Variants in JAK2 observed in about 807,000 individuals in gnomAD.
The protein encoded by JAK2 is tyrosine-protein kinase JAK2.
In JAK2, 86 loss-of-function variants were observed where a neutral mutation model predicts 139.3. The ratio of observed to expected loss-of-function variants is 0.62; its 90% CI spans 0.52 to 0.74. The LOEUF (loss-of-function observed/expected upper bound fraction) is 0.74. Ranked by LOEUF, JAK2 falls within the 30% of genes least tolerant of loss-of-function variation. The pLI is 0.00. For synonymous variants in JAK2, 490 were observed against 437.7 expected (o/e 1.12, Z -1.49); for missense variants, 1,421 against 1,360.3 (o/e 1.04, Z -0.70).
intron 8 of JAK2, among the ~76,000 whole-genome samples, chr9:5,064,025 G>A (rs372713310): frequency 2.0e-5 from 3 of 152,018 alleles, no homozygotes; most frequent in Non-Finnish European, 4.4e-5. Flanking sequence ...GCGTCTTGGC[G>A]TGTGCCTGTA....
At position 5,069,193 on chromosome 9, in the gene JAK2, C is replaced by A; in HGVS notation, c.1498C>A (p.Pro500Thr). ...AATTTTCCAGTTTACTAAATGCTGT[C>A]CCCCAAAGCCAAAAGGTAAGATAAT... ...NIIFQFTKCC[P>T]PKPKDKSNLL... Residue 500 changes from proline to threonine, a missense_variant, in exon 11 of 25, where the codon CCC becomes ACC. Coordinates refer to ENST00000381652, the MANE Select transcript of JAK2 (RefSeq NM_004972.4). The A allele has an allele frequency of 6.3e-7, 1 of 1,598,404 alleles. No homozygotes were observed. Among genetic ancestry groups the A allele is most frequent in the South Asian group, 1.1e-5 (1 of 87,976 alleles).
chr9:5,015,356 T>G (rs1469657496), intron 2 of JAK2, among the ~76,000 whole-genome samples: 1 of 152,152 alleles, frequency 6.6e-6, no homozygotes. Context: ...TATTCAAGGG[T>G]TTAATGAAAT....
chr9:5,055,331 CTAGAGATT>C (rs1817689718), intron 7 of JAK2, among the ~76,000 whole-genome samples: 1 of 151,932 alleles, frequency 6.6e-6, no homozygotes, highest in Non-Finnish European at 1.5e-5. Context: ...TAGATTGTTA[CTAGAGATT>C]TAGAGGGATC....
chr9:5,062,390 G>C (rs1818244665), intron 8 of JAK2, among the ~76,000 whole-genome samples: 1 of 149,906 alleles, frequency 6.7e-6, no homozygotes, highest in Non-Finnish European at 1.5e-5. Context: ...TTTAAATTTT[G>C]TGAAAATTAC....
intron 14 of JAK2, among the ~76,000 whole-genome samples, chr9:5,076,102 AAGG>A (rs1165064867): frequency 6.6e-6 from 1 of 152,186 alleles, no homozygotes; most frequent in Non-Finnish European, 1.5e-5. Context: ...GCCCTGAAAG[AAGG>A]AGGAGTTGCT....
At chr9:5,057,090 T>C (rs963796152) in intron 8 of JAK2, among the ~76,000 whole-genome samples, 8 of 152,198 alleles carry the variant, frequency 5.3e-5, no homozygotes, top group Non-Finnish European at 8.8e-5. Flanking sequence ...TAGGGATACA[T>C]TGTATTTCTC....
At chr9:5,060,380 C>T (rs2130454905) in intron 8 of JAK2, among the ~76,000 whole-genome samples, 1 of 152,266 alleles carries the variant, frequency 6.6e-6, no homozygotes, top group East Asian at 1.9e-4. Context: ...TAACATTTTA[C>T]CCACAGTAGA....
chr9:5,112,114 G>T (rs900360817), intron 22 of JAK2: 1 of 329,192 alleles, frequency 3.0e-6, no homozygotes, highest in Non-Finnish European at 6.1e-6. Flanking sequence ...GGGCATCCAC[G>T]TGCTCTGCAG....
At position 5,054,878 on chromosome 9, in the gene JAK2, A is replaced by G; in HGVS notation, c.930A>G (p.Thr310=). 1 of 1,586,898 alleles carries G rather than the reference A, an allele frequency of 6.3e-7. No individual in the cohort carries two copies. The part of the protein sequence containing the change: ...RGKHKESETL[T]EQDLQLYCDF... ...AACATAAAGAAAGTGAGACACTGAC[A>G]GAACAGGTAATCCTTAATGATATGT... is the stretch of plus-strand genomic sequence containing the variant. Residue 310 remains threonine (T), a synonymous_variant, in exon 7 of 25, where the codon ACA becomes ACG. Transcript: ENST00000381652. This position sits in a 1 kb window ranked among gnomAD's most constrained non-coding sequence, Gnocchi z 4.9.
chr9:5,016,678 T>A (rs151009936), intron 2 of JAK2, among the ~76,000 whole-genome samples: 6 of 152,004 alleles, frequency 3.9e-5, no homozygotes, highest in Non-Finnish European at 7.4e-5. Context: ...AGAAATAGAG[T>A]ATCACCTGAA....
chr9:5,127,678 A>C lies in JAK2; in HGVS notation c.*887A>C, dbSNP rs940509304. On this transcript the variant is annotated 3_prime_UTR_variant, in exon 25 of 25. Transcript: ENST00000381652. Reference sequence around the variant, plus strand: ...TCCTTTGAGCTGCTGACTGCCAATAACATTCTTCGATCTCTGGGATTTATG... The same window carrying C: ...TCCTTTGAGCTGCTGACTGCCAATACCATTCTTCGATCTCTGGGATTTATG... 6.0e-5 allele frequency: 14 copies of C among 232,178 alleles called. No homozygotes were observed. The highest frequency in any genetic ancestry group is 2.4e-4 in the African/African-American group (11 of 45,262). The allele number at this position is 232,178 out of a possible 1,614,324, so 14.4% of individuals were successfully genotyped here. A position where few individuals can be genotyped will look rare whatever the true frequency, so the allele number is the denominator to read the frequency against.
chr9:4,992,758 G>C (rs1310637050), intron 2 of JAK2, among the ~76,000 whole-genome samples: 1 of 152,160 alleles, frequency 6.6e-6, no homozygotes, highest in Admixed American at 6.5e-5. Context: ...TTACAAAATG[G>C]AAAAGGCACA....
At chr9:5,101,687 T>TCAGGCAGCAA (rs1462875391) in intron 22 of JAK2, among the ~76,000 whole-genome samples, 4 of 152,162 alleles carry the variant, frequency 2.6e-5, no homozygotes, top group Admixed American at 6.5e-5. Flanking sequence ...AGAGGAAGGA[T>TCAGGCAGCAA]CAGGCAGCAA....
intron 22 of JAK2, among the ~76,000 whole-genome samples, chr9:5,120,286 A>T (rs1432297061): frequency 6.6e-6 from 1 of 152,240 alleles, no homozygotes; most frequent in Non-Finnish European, 1.5e-5. Context: ...CTCATGGCGT[A>T]ATCATCTCTT....
chr9:5,111,907 G>T, intron 22 of JAK2: 1 of 353,444 alleles, frequency 2.8e-6, no homozygotes, highest in South Asian at 2.1e-5. Flanking sequence ...CCTCGGGAAG[G>T]CCTGGCCTCA....
At chr9:5,061,243 C>A (rs1330034148) in intron 8 of JAK2, among the ~76,000 whole-genome samples, 1 of 152,214 alleles carries the variant, frequency 6.6e-6, no homozygotes, top group Non-Finnish European at 1.5e-5. Flanking sequence ...GGCATAGGCC[C>A]TTAGCAAGAG....
chr9:5,092,638 C>A (rs1227297218), intron 22 of JAK2, among the ~76,000 whole-genome samples: 1 of 152,134 alleles, frequency 6.6e-6, no homozygotes, highest in East Asian at 1.9e-4. Flanking sequence ...AGCCCTTATA[C>A]CTTCTGCATA....
At chr9:5,085,251 C>CTA in intron 19 of JAK2, 1 of 677,452 alleles carries the variant, frequency 1.5e-6, no homozygotes, top group South Asian at 1.4e-5. Flanking sequence ...CAGTGGCTAA[C>CTA]CTGAGATTCA....
intron 22 of JAK2, among the ~76,000 whole-genome samples, chr9:5,104,871 A>G (rs1821825046): frequency 6.6e-6 from 1 of 152,234 alleles, no homozygotes; most frequent in South Asian, 2.1e-4. Context: ...CTTCATGCCA[A>G]AAACTCTCAA....
Sources: gnomAD v4.1 joint callset for allele counts (sites outside exome capture counted in the v4.1 genomes callset) on GRCh38, gnomAD v4.1.1 for gene constraint, Gnocchi (gnomAD v3.1) non-coding constraint, MANE v1.5 for transcripts, NCBI Gene and HGNC (gene_info 2026-07-23, HGNC 2026-07-21) for gene names.